SLC9C1: variants seen among roughly 807,000 people sequenced by gnomAD.
SLC9C1 encodes the protein solute carrier family 9 member C1, also known as sodium/hydrogen exchanger 10.
SLC9C1 carries 97 observed loss-of-function variants against 140.9 expected under a neutral mutation model. That is an observed-to-expected ratio of 0.69 (90% CI 0.58 to 0.82). The LOEUF is 0.82. Ranked by LOEUF, SLC9C1 falls within the 40% of genes least tolerant of loss-of-function variation. The pLI is 0.00. For missense variants in SLC9C1, 1,340 were observed against 1,389.3 expected (o/e 0.96, Z 0.56); for synonymous variants, 440 against 442.6 (o/e 0.99, Z 0.07).
intron 28 of SLC9C1, among the ~76,000 whole-genome samples, chr3:112,149,164 G>A (rs114940143): frequency 0.016 from 2,364 of 152,206 alleles, 58 homozygotes; most frequent in African/African-American, 0.054. Context: ...CACAGGAAGT[G>A]GGGGGAGCAG....
At chr3:112,180,830 G>T (rs577935679) in intron 21 of SLC9C1, among the ~76,000 whole-genome samples, 168 bp from the exon 22 acceptor site, 1 of 152,142 alleles carries the variant, frequency 6.6e-6, no homozygotes, top group Non-Finnish European at 1.5e-5. Flanking sequence ...CCCCCTCCTG[G>T]GTTCAAGCCA....
At chr3:112,147,046 A>G (rs1459713205) in intron 28 of SLC9C1, among the ~76,000 whole-genome samples, 1 of 152,166 alleles carries the variant, frequency 6.6e-6, no homozygotes, top group Non-Finnish European at 1.5e-5. Context: ...TTATCATTAC[A>G]TAATGCATTT....
At chr3:112,238,140 G>A (rs941652119) in intron 12 of SLC9C1, among the ~76,000 whole-genome samples, 4 of 152,158 alleles carry the variant, frequency 2.6e-5, no homozygotes, top group African/African-American at 9.7e-5. Flanking sequence ...ATATTTCTTG[G>A]AGACTTTGTT....
intron 10 of SLC9C1, 139 bp downstream of exon 10, chr3:112,262,785 C>G: frequency 1.5e-6 from 1 of 660,750 alleles, no homozygotes. Context: ...TTCCTCCTCT[C>G]CCCGATCTTG....
At chr3:112,257,477 T>G (rs1398798090) in intron 10 of SLC9C1, among the ~76,000 whole-genome samples, 1 of 152,176 alleles carries the variant, frequency 6.6e-6, no homozygotes, top group Non-Finnish European at 1.5e-5. Flanking sequence ...TAAATGGTTT[T>G]GGGATAACTA....
At chr3:112,206,184 C>T (rs1359908392) in intron 16 of SLC9C1, among the ~76,000 whole-genome samples, 1 of 145,576 alleles carries the variant, frequency 6.9e-6, no homozygotes, top group Non-Finnish European at 1.5e-5. Context: ...AAAAAGTGGG[C>T]AAAGGACATG....
intron 11 of SLC9C1, among the ~76,000 whole-genome samples, chr3:112,241,504 T>C (rs2079138711): frequency 1.3e-5 from 2 of 152,204 alleles, no homozygotes; most frequent in South Asian, 2.1e-4. Context: ...ATCAATATCA[T>C]TAAAATGGCC....
chr3:112,276,088 A>T (rs943961053), intron 5 of SLC9C1, among the ~76,000 whole-genome samples: 3 of 152,154 alleles, frequency 2.0e-5, no homozygotes, highest in South Asian at 2.1e-4. Context: ...TAGCAAGATC[A>T]GTAGAACCCA....
intron 26 of SLC9C1, among the ~76,000 whole-genome samples, chr3:112,155,593 A>T (rs2107866629): frequency 6.6e-6 from 1 of 152,306 alleles, no homozygotes; most frequent in Admixed American, 6.5e-5. Flanking sequence ...ATAAGGAGTT[A>T]GCTCCATGAA....
chr3:112,214,331 T>A (rs1469581951), intron 15 of SLC9C1, among the ~76,000 whole-genome samples: 1 of 152,092 alleles, frequency 6.6e-6, no homozygotes, highest in Non-Finnish European at 1.5e-5. Context: ...ATTCAAAAGC[T>A]AGCAGAAGGC....
At chr3:112,180,683 C>T (rs1390195015) in intron 21 of SLC9C1, 21 bp from the exon 22 acceptor site, 5 of 1,551,480 alleles carry the variant, frequency 3.2e-6, no homozygotes, top group Admixed American at 1.8e-5. Flanking sequence ...CCACCAAATA[C>T]ATAAACTATA....
rs1187587604 is a variant in SLC9C1 at position 112,169,303 on chromosome 3, A to G, written c.2945T>C (p.Leu982Ser). ...AGAGCATTGCTCAAAAGCATCATAC[A>G]AGTGAGTTTTGGGAATAAAACATGT... Reference protein sequence around the residue: ...VETCFIPKTHLYDAFEQCSPL... With the variant: ...VETCFIPKTHSYDAFEQCSPL... The change falls in exon 24 of 29, where the codon TTG becomes TCG. Residue 982 changes from leucine to serine, a missense_variant. Leu to Ser is a moderately radical substitution (Grantham distance 145). Coordinates refer to ENST00000305815, the MANE Select transcript of SLC9C1 (RefSeq NM_183061.3). The G allele has an allele frequency of 6.2e-7, 1 of 1,610,992 alleles. No individual in the cohort carries two copies. Among genetic ancestry groups the G allele is most frequent in the Non-Finnish European group, 8.5e-7 (1 of 1,178,984 alleles).
At chr3:112,203,045 G>A (rs1017950760) in intron 17 of SLC9C1, among the ~76,000 whole-genome samples, 1 of 151,952 alleles carries the variant, frequency 6.6e-6, no homozygotes, top group Non-Finnish European at 1.5e-5. Flanking sequence ...TTCAGCTCAA[G>A]TATCACCTAA....
chr3:112,259,563 G>A (rs2079712896), intron 10 of SLC9C1, among the ~76,000 whole-genome samples: 1 of 152,120 alleles, frequency 6.6e-6, no homozygotes, highest in African/African-American at 2.4e-5. Context: ...TTATAAGTGG[G>A]AGCTAAACAT....
rs990881493 is a variant in SLC9C1 at position 112,188,485 on chromosome 3, G to A, written c.2524-6227C>T. Reference sequence around the variant, plus strand: ...CCACCTATAAGTGAGAACATGCAGCGTTTGGTTTTCTATCCTTGCAATAGT... The same window carrying A: ...CCACCTATAAGTGAGAACATGCAGCATTTGGTTTTCTATCCTTGCAATAGT... On this transcript the variant is annotated intron_variant, in intron 20 of 28. Coordinates refer to ENST00000305815, the MANE Select transcript of SLC9C1 (RefSeq NM_183061.3). 5.3e-5 allele frequency among the ~76,000 whole-genome samples: 8 copies of A among 151,724 alleles called. No homozygotes were observed. In the South Asian group the frequency reaches 6.3e-4, roughly 12 times the overall value.
chr3:112,269,314 T>C (rs1016990868), intron 7 of SLC9C1, among the ~76,000 whole-genome samples: 1 of 152,118 alleles, frequency 6.6e-6, no homozygotes, highest in Non-Finnish European at 1.5e-5. Context: ...CTCACTATCT[T>C]ACCCAGACTG....
At chr3:112,280,904 A>G in intron 2 of SLC9C1, 121 bp from the exon 3 acceptor site, 1 of 532,394 alleles carries the variant, frequency 1.9e-6, no homozygotes, top group East Asian at 4.6e-5. Context: ...TCATGAGTTT[A>G]AAATCCTCCC....
chr3:112,235,052 A>G (rs533681231), intron 12 of SLC9C1, among the ~76,000 whole-genome samples: 5 of 151,160 alleles, frequency 3.3e-5, no homozygotes, highest in Non-Finnish European at 2.9e-5. Flanking sequence ...CATTGAATCT[A>G]TAAATTACCT....
chr3:112,222,729 A>T (rs534872206), intron 13 of SLC9C1, among the ~76,000 whole-genome samples: 6 of 152,172 alleles, frequency 3.9e-5, no homozygotes, highest in Non-Finnish European at 8.8e-5. Context: ...TTCCTGAAAT[A>T]CATTAAAATT....
Sources: allele counts gnomAD v4.1 joint callset (sites outside exome capture counted in the v4.1 genomes callset), GRCh38; gene constraint gnomAD v4.1.1; transcripts MANE v1.5; gene names NCBI Gene and HGNC (gene_info 2026-07-23, HGNC 2026-07-21).